Variants in CADM2 observed in about 807,000 individuals in gnomAD.
CADM2 encodes the protein immunoglobulin superfamily member 4D.
CADM2 carries 12 observed loss-of-function variants against 49.8 expected under a neutral mutation model. That is an observed-to-expected ratio of 0.24 (90% CI 0.15 to 0.39). CADM2 has a LOEUF of 0.39. Among genes scored for constraint, CADM2 ranks in the 10% least tolerant of loss-of-function variants. The pLI is 1.00. For missense variants in CADM2, 378 were observed against 492.3 expected, an observed-to-expected ratio of 0.77 and a Z score of 2.20; for synonymous variants, 214 against 175.4, an observed-to-expected ratio of 1.22 and a Z score of -1.74.
At chr3:85,665,927 A>G (rs1015136794) in intron 1 of CADM2, among the ~76,000 whole-genome samples, 1 of 151,962 alleles carries the variant, frequency 6.6e-6, no homozygotes, top group Non-Finnish European at 1.5e-5. Flanking sequence ...AGGGTATTCA[A>G]TTAGGAAAAG....
chr3:85,244,322 A>C (rs183051271), intron 1 of CADM2, among the ~76,000 whole-genome samples: 1 of 152,224 alleles, frequency 6.6e-6, no homozygotes, highest in East Asian at 1.9e-4. Context: ...AACCTCAGCC[A>C]AAAACCTTGC....
At chr3:85,786,607 T>C (rs1336686793) in intron 2 of CADM2, among the ~76,000 whole-genome samples, 2 of 152,090 alleles carry the variant, frequency 1.3e-5, no homozygotes, top group South Asian at 2.1e-4. Context: ...TTAGGGAATA[T>C]TCCAAGTTTA....
At chr3:85,363,312 G>A (rs566471298) in intron 1 of CADM2, among the ~76,000 whole-genome samples, 3 of 152,164 alleles carry the variant, frequency 2.0e-5, no homozygotes, top group South Asian at 2.1e-4. Flanking sequence ...AAATCAATGA[G>A]GTCATTTTTA....
chr3:85,581,259 A>T (rs538416839), intron 1 of CADM2, among the ~76,000 whole-genome samples: 1 of 152,206 alleles, frequency 6.6e-6, no homozygotes, highest in South Asian at 2.1e-4. Context: ...GAAATATTAT[A>T]TACTACACTA....
chr3:85,127,912 TTC>T (rs1362216049), intron 1 of CADM2, among the ~76,000 whole-genome samples: 1 of 152,172 alleles, frequency 6.6e-6, no homozygotes, highest in Non-Finnish European at 1.5e-5. Flanking sequence ...ACAATACAGT[TTC>T]TGATAGCTGC....
At chr3:85,494,492 G>T (rs1235984652) in intron 1 of CADM2, among the ~76,000 whole-genome samples, 1 of 152,078 alleles carries the variant, frequency 6.6e-6, no homozygotes, top group Non-Finnish European at 1.5e-5. Context: ...AGAAAGTTCA[G>T]TGCTTTGTAT....
intron 1 of CADM2, among the ~76,000 whole-genome samples, chr3:85,028,017 T>A (rs374775911): frequency 6.6e-6 from 1 of 152,190 alleles, no homozygotes; most frequent in East Asian, 1.9e-4. Flanking sequence ...ATTAAAATAA[T>A]TCAACTTTGT....
At chr3:85,566,014 C>T (rs1248520822) in intron 1 of CADM2, among the ~76,000 whole-genome samples, 8 of 152,020 alleles carry the variant, frequency 5.3e-5, no homozygotes, top group Admixed American at 5.2e-4. Context: ...CTCTAAGTCT[C>T]ACTAGGGTTG....
Position 85,568,421 on chromosome 3 carries a change from T to C in CADM2, c.62-158101T>C, listed in dbSNP as rs200052575. ...CCTCTTTCTTTCTTTCTTTCTTTCT[T>C]TCTTTCTTTCTTTCTTTCTTTCTTT... On this transcript the variant is annotated intron_variant, in intron 1 of 9. Transcript: ENST00000383699. 5.3e-3 allele frequency among the ~76,000 whole-genome samples: 153 copies of C among 28,972 alleles called. 14 individuals carry two copies. In the East Asian group the frequency reaches 0.057, roughly 11 times the overall value. The allele number at this position is 28,972 out of a possible 152,430, so 19.0% of individuals were successfully genotyped here.
chr3:85,311,858 T>G (rs1559773170), intron 1 of CADM2, among the ~76,000 whole-genome samples: 1 of 152,114 alleles, frequency 6.6e-6, no homozygotes. Flanking sequence ...AGACCTGATA[T>G]CACAATAAAT....
chr3:85,446,598 TTTTTTG>T (rs1248063191), intron 1 of CADM2, among the ~76,000 whole-genome samples: 2 of 109,578 alleles, frequency 1.8e-5, no homozygotes, highest in East Asian at 9.9e-4. Flanking sequence ...GTTTTTTTTG[TTTTTTG>T]TTTTTTTTTT....
rs1186929716 is a variant in CADM2 at position 84,959,267 on chromosome 3, C to A, written c.-341C>A. The A allele has an allele frequency of 4.3e-6, 2 of 463,172 alleles. No homozygotes were observed. Among genetic ancestry groups the A allele is most frequent in the Non-Finnish European group, 7.9e-6 (2 of 254,736 alleles). The allele number at this position is 463,172 out of a possible 1,614,324, so 28.7% of individuals were successfully genotyped here. On this transcript the variant is annotated 5_prime_UTR_variant, in exon 1 of 10. Coordinates refer to ENST00000383699, the MANE Select transcript of CADM2 (RefSeq NM_001167675.2). ...CCAACACCCCGGCATCCCTGCACCA[C>A]CTGCTCGGGCAGCCCCGGCGGGCTC...
chr3:85,290,028 A>G (rs918048303), intron 1 of CADM2, among the ~76,000 whole-genome samples: 1 of 152,168 alleles, frequency 6.6e-6, no homozygotes, highest in Non-Finnish European at 1.5e-5. Context: ...CATCTGAGGT[A>G]CTGGTTTCAT....
intron 6 of CADM2, among the ~76,000 whole-genome samples, chr3:85,915,203 G>C (rs998428313): frequency 1.3e-5 from 2 of 152,096 alleles, no homozygotes; most frequent in African/African-American, 4.8e-5. Flanking sequence ...GCATGAATAA[G>C]TAAAACTTCA....
chr3:85,678,539 A>C (rs993178957), intron 1 of CADM2, among the ~76,000 whole-genome samples: 2 of 152,208 alleles, frequency 1.3e-5, no homozygotes, highest in African/African-American at 4.8e-5. Context: ...TCTTAAAAAT[A>C]CTTTTTTCAA....
intron 1 of CADM2, among the ~76,000 whole-genome samples, chr3:85,451,460 C>A (rs951401294): frequency 6.6e-6 from 1 of 152,040 alleles, no homozygotes; most frequent in Non-Finnish European, 1.5e-5. Context: ...TGACCCTCCC[C>A]GGAAGTAATA....
intron 1 of CADM2, among the ~76,000 whole-genome samples, chr3:85,568,559 T>C (rs1483247724): frequency 6.9e-6 from 1 of 145,872 alleles, no homozygotes; most frequent in East Asian, 2.6e-4. Context: ...TTCTCTTTCT[T>C]TCTTTTCCTT....
intron 8 of CADM2, among the ~76,000 whole-genome samples, chr3:86,024,149 T>G (rs1298024876): frequency 6.6e-6 from 1 of 152,234 alleles, no homozygotes; most frequent in African/African-American, 2.4e-5. Flanking sequence ...CAGTGAGATG[T>G]AGCCATTGGA....
intron 1 of CADM2, among the ~76,000 whole-genome samples, chr3:84,963,470 C>CAT (rs769231666): frequency 8.9e-4 from 136 of 152,252 alleles, no homozygotes; most frequent in Middle Eastern, 3.4e-3. Flanking sequence ...TACATGCATA[C>CAT]AAGACCTCAT....
Sources: gnomAD v4.1 joint callset for allele counts (sites outside exome capture counted in the v4.1 genomes callset) on GRCh38, gnomAD v4.1.1 for gene constraint, MANE v1.5 for transcripts, NCBI Gene and HGNC (gene_info 2026-07-23, HGNC 2026-07-21) for gene names.